The following B3GALT1 variants were observed in gnomAD, a reference collection of about 807,000 sequenced individuals.
B3GALT1 encodes the protein UDP-Gal:betaGlcNAc beta 1,3-galactosyltransferase, polypeptide 1.
Under a neutral mutation model 23.2 loss-of-function variants are expected in B3GALT1, and 10 were observed. The observed-to-expected ratio is 0.43, with a 90% CI of 0.27 to 0.73. B3GALT1 has a LOEUF of 0.73. Among genes scored for constraint, B3GALT1 ranks in the 30% least tolerant of loss-of-function variants. The pLI is 0.21. For missense variants in B3GALT1, 299 were observed against 405.4 expected (o/e 0.74, Z 2.25); for synonymous variants, 156 against 141.5 (o/e 1.10, Z -0.73).
Position 167,756,987 on chromosome 2 carries a change from A to G in B3GALT1, c.-351-61685A>G, listed in dbSNP as rs141124710. ...CTCAAGTCCTCAAGTCCAAACGAGTAAATTCAAATCCTACCTCTCCTCCAC... is the reference window on the plus strand; with the variant it reads ...CTCAAGTCCTCAAGTCCAAACGAGTGAATTCAAATCCTACCTCTCCTCCAC... On this transcript the variant is annotated intron_variant, in intron 3 of 4. Coordinates refer to ENST00000392690, the MANE Select transcript of B3GALT1 (RefSeq NM_020981.4). 2.4e-3 allele frequency among the ~76,000 whole-genome samples: 371 copies of G among 152,280 alleles called. 1 individual carries two copies. Among genetic ancestry groups the G allele is most frequent in the Middle Eastern group, 0.017 (5 of 294 alleles).
At chr2:167,825,452 GT>G (rs986104570) in intron 4 of B3GALT1, among the ~76,000 whole-genome samples, 197 of 146,938 alleles carry the variant, frequency 1.3e-3, no homozygotes, top group African/African-American at 4.8e-3. Flanking sequence ...GTGTGTGTGT[GT>G]GTGCGTGCAC....
chr2:167,665,930 T>G (rs1179218515), intron 3 of B3GALT1, among the ~76,000 whole-genome samples: 1 of 152,182 alleles, frequency 6.6e-6, no homozygotes, highest in African/African-American at 2.4e-5. Flanking sequence ...GATTCATTAA[T>G]TTTTTGAAGG....
chr2:167,858,587 C>A (rs1481579535), intron 4 of B3GALT1, among the ~76,000 whole-genome samples: 1 of 152,112 alleles, frequency 6.6e-6, no homozygotes, highest in Non-Finnish European at 1.5e-5. Flanking sequence ...CAGACATTAT[C>A]ATTCTCATTT....
chr2:167,672,687 G>A (rs957846053), intron 3 of B3GALT1, among the ~76,000 whole-genome samples: 6 of 152,082 alleles, frequency 3.9e-5, no homozygotes, highest in East Asian at 3.8e-4. Context: ...TTGTAATAAG[G>A]ATTAAATAAT....
intron 1 of B3GALT1, among the ~76,000 whole-genome samples, chr2:167,378,512 T>C (rs935854261): frequency 6.6e-6 from 1 of 152,126 alleles, no homozygotes; most frequent in African/African-American, 2.4e-5. Flanking sequence ...AGGCCTTGTT[T>C]ATTTTTTAAA....
At chr2:167,836,678 A>G (rs1303416135) in intron 4 of B3GALT1, among the ~76,000 whole-genome samples, 28 of 152,092 alleles carry the variant, frequency 1.8e-4, no homozygotes, top group African/African-American at 6.5e-4. Flanking sequence ...TACAGAGAAC[A>G]CCACAAAGAT....
At position 167,333,171 on chromosome 2, in the gene B3GALT1, AGAG is replaced by A. The variant is rs1697001513; in HGVS notation, c.-511+39841_-511+39843del. Among the ~76,000 whole-genome samples the A allele has an allele frequency of 2.0e-5, 3 of 152,352 alleles. No individual in the cohort carries two copies. In the South Asian group the frequency reaches 6.2e-4, roughly 32 times the overall value. Reference sequence around the variant, plus strand: ...ATAAACTCACAAGGACAAAAACAAAAGAGGAGACAACAGCAACCCAATTTTGGA... The same window carrying A: ...ATAAACTCACAAGGACAAAAACAAAAGAGACAACAGCAACCCAATTTTGGA... On this transcript the variant is annotated intron_variant, in intron 1 of 4. Coordinates refer to ENST00000392690, the MANE Select transcript of B3GALT1 (RefSeq NM_020981.4).
In B3GALT1 at chr2:167,694,667, A is replaced by T. The variant is rs76788085; in HGVS notation, c.-352+47701A>T. ...AGATAACAAAAATGGAAGCTGCATG[A>T]CTTTCCAAGGTCTAGGTATAAAGTT... On this transcript the variant is annotated intron_variant, in intron 3 of 4. Transcript: ENST00000392690. Among the ~76,000 whole-genome samples, 1,182 of 152,242 alleles carry T rather than the reference A, an allele frequency of 7.8e-3. 18 individuals carry two copies. The highest frequency in any genetic ancestry group is 0.027 in the African/African-American group (1,114 of 41,564).
chr2:167,395,776 A>G (rs1698084577), intron 1 of B3GALT1, among the ~76,000 whole-genome samples: 1 of 151,960 alleles, frequency 6.6e-6, no homozygotes, highest in Non-Finnish European at 1.5e-5. Flanking sequence ...AAGATAATTC[A>G]TACTTCTTGA....
intron 1 of B3GALT1, among the ~76,000 whole-genome samples, chr2:167,362,108 A>C (rs1249403181): frequency 3.3e-5 from 5 of 152,144 alleles, no homozygotes; most frequent in Admixed American, 1.3e-4. Flanking sequence ...TTGGATTCTA[A>C]GAAAATTACC....
intron 2 of B3GALT1, among the ~76,000 whole-genome samples, chr2:167,562,301 A>G (rs1011241507): frequency 5.0e-4 from 76 of 152,316 alleles, no homozygotes; most frequent in African/African-American, 1.6e-3. Flanking sequence ...TTGATGGGAC[A>G]TATCTCAAAA....
chr2:167,340,283 T>C (rs1246966594), intron 1 of B3GALT1, among the ~76,000 whole-genome samples: 1 of 143,472 alleles, frequency 7.0e-6, no homozygotes, highest in African/African-American at 2.6e-5. Flanking sequence ...GCTTGCACCT[T>C]GAGGGAAGAC....
chr2:167,626,609 A>G (rs1273985892), intron 2 of B3GALT1, among the ~76,000 whole-genome samples: 2 of 151,572 alleles, frequency 1.3e-5, no homozygotes, highest in African/African-American at 2.4e-5. Flanking sequence ...AAACCAAAAC[A>G]GGGAAATATA....
chr2:167,725,965 A>T (rs1178082336), intron 3 of B3GALT1, among the ~76,000 whole-genome samples: 1 of 152,216 alleles, frequency 6.6e-6, no homozygotes, highest in Non-Finnish European at 1.5e-5. Context: ...CCTATATTTT[A>T]AAATATTTAT....
chr2:167,627,578 T>C (rs543424099), intron 2 of B3GALT1, among the ~76,000 whole-genome samples: 9 of 151,868 alleles, frequency 5.9e-5, no homozygotes, highest in African/African-American at 2.2e-4. Context: ...TTCTACTTGA[T>C]GACATTTGAA....
At chr2:167,489,832 T>A (rs1330348460) in intron 1 of B3GALT1, among the ~76,000 whole-genome samples, 1 of 152,202 alleles carries the variant, frequency 6.6e-6, no homozygotes, top group Non-Finnish European at 1.5e-5. Context: ...AAATACTTGC[T>A]ATTATAAGTG....
chr2:167,349,953 T>C (rs1697284483), intron 1 of B3GALT1, among the ~76,000 whole-genome samples: 1 of 152,172 alleles, frequency 6.6e-6, no homozygotes, highest in African/African-American at 2.4e-5. Flanking sequence ...ATATATACAA[T>C]AAACGGAATA....
At chr2:167,338,592 A>G (rs1559069389) in intron 1 of B3GALT1, among the ~76,000 whole-genome samples, 2 of 152,150 alleles carry the variant, frequency 1.3e-5, no homozygotes, top group Non-Finnish European at 1.5e-5. Flanking sequence ...TGAAAAAAAG[A>G]AAATTCGATA....
intron 3 of B3GALT1, among the ~76,000 whole-genome samples, chr2:167,750,305 G>A (rs1459718342): frequency 6.6e-6 from 1 of 152,164 alleles, no homozygotes; most frequent in Non-Finnish European, 1.5e-5. Context: ...TCTAGCAGCA[G>A]GGTGTGGCCA....
Sources: gnomAD v4.1 joint callset for allele counts (sites outside exome capture counted in the v4.1 genomes callset) on GRCh38, gnomAD v4.1.1 for gene constraint, MANE v1.5 for transcripts, NCBI Gene and HGNC (gene_info 2026-07-23, HGNC 2026-07-21) for gene names.